Variants in PLXDC2 observed in about 807,000 individuals in gnomAD.
PLXDC2 encodes plexin domain containing 2.
Under a neutral mutation model 68.9 loss-of-function variants are expected in PLXDC2, and 40 were observed. The observed-to-expected ratio is 0.58, with a 90% CI of 0.45 to 0.76. PLXDC2 has a LOEUF of 0.76. PLXDC2 is among the 30% of genes least tolerant of loss of function. PLXDC2 has a pLI of 0.00. For missense variants in PLXDC2, 644 were observed against 661.9 expected (o/e 0.97, Z 0.30); for synonymous variants, 243 against 234.2 (o/e 1.04, Z -0.34).
Position 20,284,219 on chromosome 10 carries a change from C to T in PLXDC2, c.*4400C>T, listed in dbSNP as rs929973749. Reference sequence around the variant, plus strand: ...AGTTACTGCTGCTTTTACTTCACGACCTCCAACCCCACTTTTGTTATCAGC... The same window carrying T: ...AGTTACTGCTGCTTTTACTTCACGATCTCCAACCCCACTTTTGTTATCAGC... On this transcript the variant is annotated 3_prime_UTR_variant, in exon 14 of 14. Transcript: ENST00000377252. The T allele has an allele frequency of 6.6e-6, 1 of 151,380 alleles. No individual in the cohort carries two copies. Among genetic ancestry groups the T allele is most frequent in the Admixed American group, 6.6e-5 (1 of 15,174 alleles). 9.4% of individuals were successfully genotyped at this position (151,380 alleles called of 1,614,324 possible).
chr10:19,908,890 C>T (rs1301118915), intron 1 of PLXDC2, among the ~76,000 whole-genome samples: 3 of 152,114 alleles, frequency 2.0e-5, no homozygotes, highest in Admixed American at 2.0e-4. Context: ...CTTTTCTTTG[C>T]TGAGCATTGC....
chr10:20,133,531 CT>C (rs1833896640), intron 4 of PLXDC2, among the ~76,000 whole-genome samples: 1 of 152,134 alleles, frequency 6.6e-6, no homozygotes, highest in South Asian at 2.1e-4. Flanking sequence ...ATTTGTCTCT[CT>C]TTTGCCCTAT....
At chr10:20,113,120 G>A (rs1273568454) in intron 4 of PLXDC2, among the ~76,000 whole-genome samples, 2 of 152,178 alleles carry the variant, frequency 1.3e-5, no homozygotes, top group African/African-American at 4.8e-5. Context: ...TCTTTTCCCA[G>A]ATCTCCAGAC....
intron 13 of PLXDC2, among the ~76,000 whole-genome samples, chr10:20,247,108 G>A (rs1835607184): frequency 6.6e-6 from 1 of 151,890 alleles, no homozygotes; most frequent in Non-Finnish European, 1.5e-5. Context: ...CTTTGTCTCT[G>A]TACACAGCCC....
At position 20,284,721 on chromosome 10, in the gene PLXDC2, T is replaced by C. The variant is rs951273170; in HGVS notation, c.*4902T>C. 2 of 152,128 alleles carry C rather than the reference T, an allele frequency of 1.3e-5. No homozygotes were observed. Among genetic ancestry groups the C allele is most frequent in the Non-Finnish European group, 2.9e-5 (2 of 68,026 alleles). The allele number at this position is 152,128 out of a possible 1,614,324, so 9.4% of individuals were successfully genotyped here. On this transcript the variant is annotated 3_prime_UTR_variant, in exon 14 of 14. Coordinates refer to ENST00000377252, the MANE Select transcript of PLXDC2 (RefSeq NM_032812.9). ...ACTGGGTCTTGAACTTAAATGTTTGTTTCAGTTCTCATTGCCTTCATCTCT... is the reference window on the plus strand; with the variant it reads ...ACTGGGTCTTGAACTTAAATGTTTGCTTCAGTTCTCATTGCCTTCATCTCT...
chr10:20,079,023 A>G (rs1836502280), intron 4 of PLXDC2, among the ~76,000 whole-genome samples: 1 of 152,166 alleles, frequency 6.6e-6, no homozygotes, highest in Admixed American at 6.5e-5. Context: ...CCCAGAAACC[A>G]TAAATAAAAA....
intron 1 of PLXDC2, among the ~76,000 whole-genome samples, chr10:19,886,185 G>T (rs573053163): frequency 6.6e-6 from 1 of 152,228 alleles, no homozygotes; most frequent in Non-Finnish European, 1.5e-5. Context: ...GAATGCTTGT[G>T]ATTTTTGTAC....
chr10:20,213,448 C>G (rs562390904), intron 10 of PLXDC2, among the ~76,000 whole-genome samples: 11 of 152,184 alleles, frequency 7.2e-5, no homozygotes, highest in African/African-American at 2.2e-4. Context: ...AGAAATCTTA[C>G]TATATACAGG....
Position 19,816,760 on chromosome 10 carries a change from C to G in PLXDC2, c.-320C>G, listed in dbSNP as rs1238679269. ...CCGCGGGCACCGGGTTGGCGCTGCC[C>G]GAGTGGAACCGACAGTTTGCGAGCC... On this transcript the variant is annotated 5_prime_UTR_variant, in exon 1 of 14. Coordinates refer to ENST00000377252, the MANE Select transcript of PLXDC2 (RefSeq NM_032812.9). 1.5e-5 allele frequency: 7 copies of G among 452,472 alleles called. No individual in the cohort carries two copies. The highest frequency in any genetic ancestry group is 7.9e-5 in the African/African-American group (4 of 50,656). 28.0% of individuals were successfully genotyped at this position (452,472 alleles called of 1,614,324 possible).
At chr10:19,953,827 T>C (rs543808013) in intron 1 of PLXDC2, among the ~76,000 whole-genome samples, 2 of 148,138 alleles carry the variant, frequency 1.4e-5, no homozygotes, top group African/African-American at 5.0e-5. Flanking sequence ...AACCAGCCTG[T>C]TTTTTTTTTC....
chr10:19,858,532 C>A (rs1241931568), intron 1 of PLXDC2, among the ~76,000 whole-genome samples: 1 of 152,140 alleles, frequency 6.6e-6, no homozygotes, highest in African/African-American at 2.4e-5. Context: ...AATATAAGTA[C>A]CTTCAGTAGA....
At chr10:20,131,338 A>G (rs575130042) in intron 4 of PLXDC2, among the ~76,000 whole-genome samples, 20 of 152,190 alleles carry the variant, frequency 1.3e-4, no homozygotes, top group African/African-American at 4.8e-4. Flanking sequence ...TAATTTTTAT[A>G]GTAGTTTCTT....
intron 4 of PLXDC2, among the ~76,000 whole-genome samples, chr10:20,123,289 G>A (rs1397970711): frequency 6.6e-6 from 1 of 152,022 alleles, no homozygotes. Flanking sequence ...GACGCTTGGG[G>A]TTGGGACTGA....
At chr10:20,247,793 A>G (rs1255548120) in intron 13 of PLXDC2, among the ~76,000 whole-genome samples, 1 of 152,220 alleles carries the variant, frequency 6.6e-6, no homozygotes, top group African/African-American at 2.4e-5. Flanking sequence ...TATTTCCTGG[A>G]AAAACGTTCA....
intron 1 of PLXDC2, among the ~76,000 whole-genome samples, chr10:19,893,042 G>A (rs1321578565): frequency 2.0e-5 from 3 of 151,340 alleles, no homozygotes; most frequent in African/African-American, 7.3e-5. Flanking sequence ...TACATCCTTA[G>A]GGCGTGGCTC....
chr10:20,097,514 T>C (rs533858233), intron 4 of PLXDC2, among the ~76,000 whole-genome samples: 1 of 152,330 alleles, frequency 6.6e-6, no homozygotes, highest in Admixed American at 6.5e-5. Flanking sequence ...TCCTTAAAAA[T>C]TTCCTCCTAT....
chr10:19,897,538 C>A (rs975817633), intron 1 of PLXDC2, among the ~76,000 whole-genome samples: 1 of 152,194 alleles, frequency 6.6e-6, no homozygotes, highest in African/African-American at 2.4e-5. Context: ...AGCCACCACG[C>A]CGGGCCAATT....
chr10:20,002,894 G>T (rs1393210775), intron 2 of PLXDC2, among the ~76,000 whole-genome samples: 10 of 152,128 alleles, frequency 6.6e-5, no homozygotes, highest in Non-Finnish European at 1.5e-4. Context: ...GCTTGGGGCC[G>T]AGAAGTTTTC....
At chr10:20,188,411 T>C (rs907188344) in intron 9 of PLXDC2, among the ~76,000 whole-genome samples, 1 of 151,734 alleles carries the variant, frequency 6.6e-6, no homozygotes, top group Admixed American at 6.6e-5. Context: ...TTAATACAGT[T>C]AAGAATTGGC....
Sources: allele counts gnomAD v4.1 joint callset (sites outside exome capture counted in the v4.1 genomes callset), GRCh38; gene constraint gnomAD v4.1.1; transcripts MANE v1.5; gene names NCBI Gene and HGNC (gene_info 2026-07-23, HGNC 2026-07-21).